The following MGAT4C variants were observed in gnomAD, a reference collection of about 807,000 sequenced individuals.
MGAT4C encodes MGAT4 family member C, also known as alpha-1,3-mannosyl-glycoprotein 4-beta-N-acetylglucosaminyltransferase C.
MGAT4C carries 19 observed loss-of-function variants against 40.1 expected under a neutral mutation model. The ratio of observed to expected loss-of-function variants is 0.47; its 90% CI spans 0.33 to 0.70. The LOEUF (loss-of-function observed/expected upper bound fraction) is 0.70. Ranked by LOEUF, MGAT4C falls within the 30% of genes least tolerant of loss-of-function variation. MGAT4C has a pLI of 0.02. For missense variants in MGAT4C, 491 were observed against 563.2 expected, an observed-to-expected ratio of 0.87 and a Z score of 1.30; for synonymous variants, 181 against 187.1, an observed-to-expected ratio of 0.97 and a Z score of 0.27.
At chr12:86,377,502 G>A (rs1370670584) in intron 3 of MGAT4C, among the ~76,000 whole-genome samples, 1 of 152,168 alleles carries the variant, frequency 6.6e-6, no homozygotes, top group African/African-American at 2.4e-5. Context: ...CAGAATAGCA[G>A]CATATATGTT....
chr12:86,012,912 A>C (rs1194425271), intron 2 of MGAT4C, among the ~76,000 whole-genome samples: 1 of 151,452 alleles, frequency 6.6e-6, no homozygotes, highest in Non-Finnish European at 1.5e-5. Flanking sequence ...TTGCTTCAGG[A>C]CAGGTGTTTG....
intron 2 of MGAT4C, among the ~76,000 whole-genome samples, chr12:86,685,967 A>C (rs945027580): frequency 4.0e-5 from 6 of 150,750 alleles, no homozygotes; most frequent in African/African-American, 1.5e-4. Flanking sequence ...GGTTCACGCC[A>C]TTCTCCTGCC....
chr12:86,217,129 A>G (rs1274485342), intron 1 of MGAT4C, among the ~76,000 whole-genome samples: 1 of 152,166 alleles, frequency 6.6e-6, no homozygotes, highest in Non-Finnish European at 1.5e-5. Context: ...AAGAAACCAA[A>G]GGACAGTGAT....
At chr12:86,135,655 A>G (rs564423525) in intron 1 of MGAT4C, among the ~76,000 whole-genome samples, 2 of 152,346 alleles carry the variant, frequency 1.3e-5, no homozygotes, top group African/African-American at 2.4e-5. Context: ...ACACAAAATT[A>G]TAGTGACCAT....
intron 1 of MGAT4C, among the ~76,000 whole-genome samples, chr12:86,110,267 A>ACTAT (rs1877023470): frequency 3.8e-5 from 1 of 26,070 alleles, no homozygotes; most frequent in African/African-American, 2.6e-4. Flanking sequence ...ATATATATAG[A>ACTAT]CTATATATAT....
At chr12:86,405,943 A>T (rs1384323585) in intron 3 of MGAT4C, among the ~76,000 whole-genome samples, 31 of 3,856 alleles carry the variant, frequency 8.0e-3, no homozygotes, top group South Asian at 0.043. Context: ...TACATTTATA[A>T]ATACATGTAT....
chr12:86,378,479 T>C (rs961962616), intron 3 of MGAT4C, among the ~76,000 whole-genome samples: 33 of 152,148 alleles, frequency 2.2e-4, no homozygotes, highest in African/African-American at 8.0e-4. Context: ...AGTTTGTAAA[T>C]TCATATCCGT....
At chr12:86,026,687 A>G (rs1890274475) in intron 2 of MGAT4C, among the ~76,000 whole-genome samples, 1 of 151,890 alleles carries the variant, frequency 6.6e-6, no homozygotes, top group Non-Finnish European at 1.5e-5. Context: ...GTCTTGTAAT[A>G]TATTCTTGTG....
chr12:86,005,396 T>C (rs1438680215), intron 2 of MGAT4C, among the ~76,000 whole-genome samples: 1 of 152,182 alleles, frequency 6.6e-6, no homozygotes, highest in East Asian at 1.9e-4. Context: ...GAAACATTGG[T>C]TATATTTATA....
At chr12:86,213,081 C>A (rs973952441) in intron 1 of MGAT4C, among the ~76,000 whole-genome samples, 7 of 151,906 alleles carry the variant, frequency 4.6e-5, no homozygotes, top group African/African-American at 1.5e-4. Flanking sequence ...TTTCCTTTAC[C>A]AACTCAATAG....
intron 1 of MGAT4C, among the ~76,000 whole-genome samples, chr12:86,140,701 G>A (rs377579026): frequency 3.3e-5 from 5 of 151,962 alleles, no homozygotes; most frequent in African/African-American, 9.7e-5. Flanking sequence ...CAACCTTCAC[G>A]TTCAATAGGT....
At chr12:86,070,529 C>A (rs993780) in intron 1 of MGAT4C, among the ~76,000 whole-genome samples, 9,227 of 152,032 alleles carry the variant, frequency 0.061, 436 homozygotes, top group African/African-American at 0.14. Flanking sequence ...TCTCAAGTTG[C>A]AACTTTAATA....
chr12:86,288,322 T>A (rs1953408965), intron 4 of MGAT4C, among the ~76,000 whole-genome samples: 1 of 152,198 alleles, frequency 6.6e-6, no homozygotes, highest in African/African-American at 2.4e-5. Flanking sequence ...TGATAGTTTC[T>A]TTTGCTGTGC....
intron 1 of MGAT4C, among the ~76,000 whole-genome samples, chr12:86,197,925 G>C (rs1480958917): frequency 6.6e-6 from 1 of 152,032 alleles, no homozygotes; most frequent in Non-Finnish European, 1.5e-5. Flanking sequence ...TATAGCTTAA[G>C]AGAGATTTAC....
intron 1 of MGAT4C, among the ~76,000 whole-genome samples, chr12:86,178,003 A>C (rs531520490): frequency 1.4e-4 from 22 of 152,094 alleles, no homozygotes; most frequent in East Asian, 1.2e-3. Context: ...GTGGCGCGAT[A>C]TTGGCTCACT....
At chr12:86,647,332 T>C in intron 2 of MGAT4C, among the ~76,000 whole-genome samples, 1 of 151,974 alleles carries the variant, frequency 6.6e-6, no homozygotes, top group East Asian at 1.9e-4. Flanking sequence ...GTTTTTCTTT[T>C]GCATTCAAAA....
rs1185359626 is a variant in MGAT4C, at chr12:86,794,728, T to G, written c.-262+43938A>C. Among the ~76,000 whole-genome samples the G allele has an allele frequency of 7.0e-4, 106 of 152,024 alleles. 1 individual carries two copies. Among genetic ancestry groups the G allele is most frequent in the Admixed American group, 7.0e-3 (106 of 15,244 alleles). ...TCGCTTTCCTAGAGCATAATGTGAT[T>G]TGTTCAGAAGTTAAAGCAAAATTAA... On this transcript the variant is annotated intron_variant, in intron 1 of 7. Coordinates refer to the MGAT4C transcript ENST00000548651.
intron 2 of MGAT4C, among the ~76,000 whole-genome samples, chr12:86,024,687 C>T (rs1168211106): frequency 6.6e-6 from 1 of 151,620 alleles, no homozygotes; most frequent in Non-Finnish European, 1.5e-5. Context: ...GGCGATAATT[C>T]AGATAAAAGA....
At chr12:86,395,198 G>A (rs1956237913) in intron 3 of MGAT4C, among the ~76,000 whole-genome samples, 2 of 152,092 alleles carry the variant, frequency 1.3e-5, no homozygotes, top group African/African-American at 2.4e-5. Flanking sequence ...ACAAAAATTT[G>A]AGATCTCAGA....
Sources: gnomAD v4.1 joint callset for allele counts (sites outside exome capture counted in the v4.1 genomes callset) on GRCh38, gnomAD v4.1.1 for gene constraint, MANE v1.5 for transcripts, NCBI Gene and HGNC (gene_info 2026-07-23, HGNC 2026-07-21) for gene names.